ZBBX: variants seen among roughly 807,000 people sequenced by gnomAD.
ZBBX encodes the protein zinc finger B-box domain-containing protein 1.
Under a neutral mutation model 108.5 loss-of-function variants are expected in ZBBX, and 101 were observed. The observed-to-expected ratio is 0.93, with a 90% CI of 0.79 to 1.10. The LOEUF is 1.10. Among genes scored for constraint, ZBBX ranks in the 50% least tolerant of loss-of-function variants. ZBBX has a pLI of 0.00. For missense variants in ZBBX, 1,009 were observed against 941.4 expected, an observed-to-expected ratio of 1.07 and a Z score of -0.94; for synonymous variants, 356 against 323.4, an observed-to-expected ratio of 1.10 and a Z score of -1.08.
At position 167,240,054 on chromosome 3, in the gene ZBBX, C is replaced by A. The variant is rs1156653156; in HGVS notation, c.*739G>T. Among the ~76,000 whole-genome samples, 1 of 152,032 alleles carries A rather than the reference C, an allele frequency of 6.6e-6. No homozygotes were observed. The highest frequency in any genetic ancestry group is 1.9e-4 in the East Asian group (1 of 5,164). ...AGAACAGCAGCATAGGGGTAACTGC[C>A]CCCATGATTCAATTACTTCCCACCA... On this transcript the variant is annotated 3_prime_UTR_variant, in exon 22 of 22. Coordinates refer to ENST00000675490, the MANE Select transcript of ZBBX (RefSeq NM_001199201.2).
rs372162428 is a variant in ZBBX at position 167,317,064 on chromosome 3, C to A, written c.1135G>T (p.Val379Leu). 4 of 1,610,798 alleles carry A rather than the reference C, an allele frequency of 2.5e-6. No homozygotes were observed. In the African/African-American group the frequency reaches 5.3e-5, roughly 22 times the overall value. Residue 379 changes from valine to leucine, a missense_variant, in exon 14 of 22, where the codon GTA becomes TTA. Physicochemically the swap from Val to Leu is conservative, Grantham distance 32. Transcript: ENST00000675490. ...GGTCTCTCTATGTTTAATGTTTCTA[C>A]TGGCAATAAAAGAGCTGTGTGTTGT... is the stretch of plus-strand genomic sequence containing the variant. ...KVQHTALLLP[V>L]ETLNIERPEP...
intron 6 of ZBBX, among the ~76,000 whole-genome samples, chr3:167,363,178 G>A (rs1379081945): frequency 2.6e-5 from 4 of 151,848 alleles, no homozygotes; most frequent in African/African-American, 4.8e-5. Context: ...GTACCACTGT[G>A]ATAAAAATAA....
At chr3:167,260,084 T>C (rs997220951) in intron 20 of ZBBX, among the ~76,000 whole-genome samples, 2 of 152,174 alleles carry the variant, frequency 1.3e-5, no homozygotes, top group African/African-American at 4.8e-5. Flanking sequence ...CTTTCCTTCA[T>C]ATATGATGCT....
At chr3:167,381,405 G>A (rs1444508979), upstream of ZBBX, 3 of 152,156 alleles carry the variant, frequency 2.0e-5, no homozygotes, top group African/African-American at 4.8e-5. Flanking sequence ...CATACGTAAT[G>A]TAGTATGGAA....
the ZBBX span, among the ~76,000 whole-genome samples, chr3:167,218,538 C>T: frequency 2.6e-5 from 4 of 151,988 alleles, no homozygotes; most frequent in South Asian, 6.2e-4. Flanking sequence ...TTTACGCAAT[C>T]ACTCTTAAGT....
At chr3:167,256,308 T>C (rs964303801) in intron 20 of ZBBX, among the ~76,000 whole-genome samples, 3 of 152,152 alleles carry the variant, frequency 2.0e-5, no homozygotes, top group African/African-American at 7.2e-5. Flanking sequence ...GTTTCTTTTT[T>C]TACTTTTTAA....
At position 167,305,906 on chromosome 3, in the gene ZBBX, C is replaced by A; in HGVS notation, c.1462G>T (p.Val488Leu). 6.3e-7 allele frequency: 1 copy of A among 1,591,478 alleles called. No homozygotes were observed. The change falls in exon 17 of 22, where the codon GTG becomes TTG. Residue 488 changes from valine (V) to leucine (L), a missense_variant. Transcript: ENST00000675490. ...TDFDNIVDPD[V>L]YSSDIEKIEE... The stretch of plus-strand genomic sequence containing the variant: ...ATTTTTTCAATGTCAGAAGAATACA[C>A]ATCAGGATCCACGATGTTGTCAAAA...
At chr3:167,369,273 G>C (rs919522448) in intron 4 of ZBBX, among the ~76,000 whole-genome samples, 1 of 152,092 alleles carries the variant, frequency 6.6e-6, no homozygotes, top group Admixed American at 6.6e-5. Context: ...TTTTACTATT[G>C]TAAGTCCAAA....
chr3:167,180,472 TTG>T, the ZBBX span, among the ~76,000 whole-genome samples: 1 of 152,212 alleles, frequency 6.6e-6, no homozygotes, highest in East Asian at 1.9e-4. Context: ...AGTCTGAATT[TTG>T]TCAGGAGCTA....
At chr3:167,181,687 G>A in the ZBBX span, among the ~76,000 whole-genome samples, 1 of 152,114 alleles carries the variant, frequency 6.6e-6, no homozygotes, top group Non-Finnish European at 1.5e-5. Context: ...ATCAGGAGCT[G>A]TGCTATACAC....
chr3:167,219,281 T>C, the ZBBX span, among the ~76,000 whole-genome samples: 12 of 152,168 alleles, frequency 7.9e-5, no homozygotes, highest in East Asian at 1.9e-3. Context: ...CAAATGGATC[T>C]AATAGATATT....
At chr3:167,241,173 T>C (rs1212259627) in intron 21 of ZBBX, among the ~76,000 whole-genome samples, 4 of 152,200 alleles carry the variant, frequency 2.6e-5, no homozygotes, top group Admixed American at 1.3e-4. Context: ...TGGTCTCTGA[T>C]TGTGTCTTTT....
chr3:167,333,724 A>G, intron 10 of ZBBX, 103 bp downstream of exon 10: 1 of 1,025,022 alleles, frequency 9.8e-7, no homozygotes, highest in Admixed American at 2.8e-5. Context: ...TAAAAATGTG[A>G]TGAAATTATT....
chr3:167,338,258 C>T (rs1031023020), intron 9 of ZBBX, among the ~76,000 whole-genome samples: 2 of 152,058 alleles, frequency 1.3e-5, no homozygotes, highest in Admixed American at 6.6e-5. Context: ...TATTATCTTT[C>T]AAATTACACT....
the ZBBX span, among the ~76,000 whole-genome samples, chr3:167,204,913 A>T: frequency 6.6e-6 from 1 of 152,156 alleles, no homozygotes; most frequent in African/African-American, 2.4e-5. Context: ...CCAAAAAAAA[A>T]AAAGTAAGTC....
the ZBBX span, among the ~76,000 whole-genome samples, chr3:167,178,765 T>G: frequency 4.6e-5 from 7 of 152,270 alleles, no homozygotes; most frequent in Non-Finnish European, 1.0e-4. Flanking sequence ...TCTTTGCATC[T>G]GGTTTCTGTA....
chr3:167,303,335 G>A (rs1733044867), intron 17 of ZBBX, among the ~76,000 whole-genome samples: 1 of 152,038 alleles, frequency 6.6e-6, no homozygotes. Context: ...CAGAATCTTA[G>A]TACTTTTAAC....
intron 8 of ZBBX, among the ~76,000 whole-genome samples, chr3:167,352,179 T>TA (rs1309712425): frequency 6.6e-6 from 1 of 151,710 alleles, no homozygotes; most frequent in Non-Finnish European, 1.5e-5. Flanking sequence ...CTAAAAAATG[T>TA]AAAAAATCAA....
intron 10 of ZBBX, among the ~76,000 whole-genome samples, chr3:167,330,863 AGGAGG>A (rs1560136035): frequency 2.0e-4 from 16 of 81,708 alleles, no homozygotes; most frequent in African/African-American, 8.7e-4. Flanking sequence ...GAGGAGGAGG[AGGAGG>A]AGGAGAAGAA....
Sources: gnomAD v4.1 joint callset for allele counts (sites outside exome capture counted in the v4.1 genomes callset) on GRCh38, gnomAD v4.1.1 for gene constraint, MANE v1.5 for transcripts, NCBI Gene and HGNC (gene_info 2026-07-23, HGNC 2026-07-21) for gene names.